The following MCPH1 variants were observed in gnomAD, a reference collection of about 807,000 sequenced individuals.
The protein encoded by MCPH1 is microcephalin.
A neutral mutation model predicts 84.5 loss-of-function variants in MCPH1; 104 were observed. The observed-to-expected ratio is 1.23, with a 90% CI of 1.05 to 1.45. MCPH1 has a LOEUF of 1.45. MCPH1 is among the 40% of genes most tolerant of loss of function. The pLI, the probability that MCPH1 is intolerant of heterozygous loss-of-function variation, is 0.00. For synonymous variants in MCPH1, 514 were observed against 366.8 expected (o/e 1.40, Z -4.58); for missense variants, 1,498 against 1,005.7 (o/e 1.49, Z -6.62).
chr8:6,427,026 C>G (rs1025694327), intron 3 of MCPH1, among the ~76,000 whole-genome samples: 4 of 152,226 alleles, frequency 2.6e-5, no homozygotes, highest in Admixed American at 2.6e-4. Flanking sequence ...GACATAGCTA[C>G]TGCACACCTA....
intron 9 of MCPH1, among the ~76,000 whole-genome samples, chr8:6,462,148 C>G (rs992813012): frequency 6.6e-6 from 1 of 152,180 alleles, no homozygotes; most frequent in Admixed American, 6.5e-5. Context: ...ATAGAGCATA[C>G]TTATTTTGAT....
intron 13 of MCPH1, chr8:6,626,785 G>C: frequency 1.0e-6 from 1 of 985,204 alleles, no homozygotes; most frequent in Non-Finnish European, 1.2e-6. Flanking sequence ...GGTCCTCAAG[G>C]GTCTGCGACA....
chr8:6,547,556 G>GCAGAGTCA (rs1238372340), intron 12 of MCPH1, among the ~76,000 whole-genome samples: 1 of 152,168 alleles, frequency 6.6e-6, no homozygotes, highest in Non-Finnish European at 1.5e-5. Context: ...TCAAAGGGGC[G>GCAGAGTCA]CAGAGTCACA....
chr8:6,484,146 C>T (rs190430009), intron 11 of MCPH1, among the ~76,000 whole-genome samples: 14 of 152,194 alleles, frequency 9.2e-5, no homozygotes, highest in African/African-American at 2.6e-4. Flanking sequence ...AAAACGTTTG[C>T]AAATCTTATA....
chr8:6,556,067 G>T (rs1824558295), intron 12 of MCPH1, among the ~76,000 whole-genome samples: 1 of 152,148 alleles, frequency 6.6e-6, no homozygotes, highest in East Asian at 1.9e-4. Flanking sequence ...CTCGTCTCAA[G>T]ATCGATGTCC....
intron 13 of MCPH1, among the ~76,000 whole-genome samples, chr8:6,628,245 C>T (rs112842304): frequency 0.019 from 2,964 of 152,062 alleles, 57 homozygotes; most frequent in Non-Finnish European, 0.027. Context: ...CCGAAGCGGG[C>T]GGATCATGAG....
intron 12 of MCPH1, chr8:6,503,094 G>T (rs773693217): frequency 1.4e-5 from 23 of 1,614,004 alleles, no homozygotes; most frequent in Non-Finnish European, 1.8e-5. Context: ...CAGGTGGACT[G>T]GGATGTTTAG....
At chr8:6,427,847 C>T (rs1247454846) in intron 3 of MCPH1, among the ~76,000 whole-genome samples, 1 of 150,192 alleles carries the variant, frequency 6.7e-6, no homozygotes, top group Middle Eastern at 3.4e-3. Flanking sequence ...GACTGGAGTG[C>T]AGTGGCGTGA....
chr8:6,536,265 C>G (rs986961699), intron 12 of MCPH1, among the ~76,000 whole-genome samples: 2 of 152,026 alleles, frequency 1.3e-5, no homozygotes, highest in African/African-American at 4.8e-5. Flanking sequence ...GCCGGCACTG[C>G]CTGTGCTGTA....
chr8:6,484,578 G>C (rs1809628859), intron 11 of MCPH1, among the ~76,000 whole-genome samples: 1 of 152,212 alleles, frequency 6.6e-6, no homozygotes, highest in Non-Finnish European at 1.5e-5. Context: ...GCGAATATTT[G>C]TAGCAGCCTT....
At chr8:6,579,156 C>T (rs2129576914) in intron 12 of MCPH1, among the ~76,000 whole-genome samples, 1 of 152,324 alleles carries the variant, frequency 6.6e-6, no homozygotes, top group South Asian at 2.1e-4. Context: ...CTGACACCTC[C>T]ATCTTGGCAT....
chr8:6,627,127 C>CGTT (rs1327489810), intron 13 of MCPH1: 2 of 985,188 alleles, frequency 2.0e-6, no homozygotes, highest in Non-Finnish European at 2.4e-6. Flanking sequence ...GCTCATTCAT[C>CGTT]GTTTCCCCTA....
At chr8:6,429,764 C>T (rs549605417) in intron 3 of MCPH1, among the ~76,000 whole-genome samples, 1 of 152,094 alleles carries the variant, frequency 6.6e-6, no homozygotes, top group African/African-American at 2.4e-5. Flanking sequence ...TCCCCAACTG[C>T]CTTTGCTGAA....
intron 9 of MCPH1, among the ~76,000 whole-genome samples, chr8:6,476,822 G>A (rs1808519887): frequency 6.6e-6 from 1 of 152,094 alleles, no homozygotes. Flanking sequence ...AAAAGTATAT[G>A]AATAATGTGA....
chr8:6,414,893 TTC>T lies in MCPH1; in HGVS notation c.233+16_233+17del. ...TGCTCTGGGTGGAAAAGTAAGCAGT[TTC>T]TCTCTTACTTTTTTTCCTTAAGTAT... is the stretch of plus-strand genomic sequence containing the variant. On this transcript the variant is annotated intron_variant, in intron 3 of 13. Coordinates refer to ENST00000344683, the MANE Select transcript of MCPH1 (RefSeq NM_024596.5). 1 of 1,612,774 alleles carries T rather than the reference TTC, an allele frequency of 6.2e-7. No individual in the cohort carries two copies. The highest frequency in any genetic ancestry group is 8.5e-7 in the Non-Finnish European group (1 of 1,179,302).
chr8:6,487,221 G>A (rs1346633860), intron 11 of MCPH1, among the ~76,000 whole-genome samples: 1 of 152,190 alleles, frequency 6.6e-6, no homozygotes, highest in Non-Finnish European at 1.5e-5. Context: ...ACTATCAACA[G>A]ATAATCTAGT....
chr8:6,634,047 A>G (rs757163288), intron 13 of MCPH1, among the ~76,000 whole-genome samples: 1 of 152,220 alleles, frequency 6.6e-6, no homozygotes, highest in South Asian at 2.1e-4. Flanking sequence ...TTGAAGTTCT[A>G]TGCTGAATGT....
chr8:6,495,427 G>C (rs1563286579), intron 11 of MCPH1, among the ~76,000 whole-genome samples: 2 of 152,148 alleles, frequency 1.3e-5, no homozygotes, highest in Non-Finnish European at 2.9e-5. Context: ...TCTAGTTGGG[G>C]AAGAATCCCA....
chr8:6,499,491 G>C (rs1372120491), intron 11 of MCPH1, among the ~76,000 whole-genome samples: 1 of 152,054 alleles, frequency 6.6e-6, no homozygotes, highest in South Asian at 2.1e-4. Flanking sequence ...ATTAATAAAA[G>C]TCTGGAATAT....
Sources: allele counts gnomAD v4.1 joint callset (sites outside exome capture counted in the v4.1 genomes callset), GRCh38; gene constraint gnomAD v4.1.1; transcripts MANE v1.5; gene names NCBI Gene and HGNC (gene_info 2026-07-23, HGNC 2026-07-21).